RGS6: variants seen among roughly 807,000 people sequenced by gnomAD.
The protein encoded by RGS6 is regulator of G-protein signaling 6.
A neutral mutation model predicts 78.5 loss-of-function variants in RGS6; 30 were observed. That is an observed-to-expected ratio of 0.38 (90% CI 0.29 to 0.52). The LOEUF is 0.52. RGS6 is among the 20% of genes least tolerant of loss of function. The pLI is 0.85. For missense variants in RGS6, 495 were observed against 609.7 expected, an observed-to-expected ratio of 0.81 and a Z score of 1.98; for synonymous variants, 206 against 206.0, an observed-to-expected ratio of 1.00 and a Z score of 0.00.
At chr14:72,085,092 T>C (rs975490971) in intron 2 of RGS6, among the ~76,000 whole-genome samples, 1 of 152,164 alleles carries the variant, frequency 6.6e-6, no homozygotes, top group Non-Finnish European at 1.5e-5. Context: ...TTGGAATAAC[T>C]TTCTTCCTCA....
At chr14:72,269,596 A>G (rs1452462327) in intron 2 of RGS6, among the ~76,000 whole-genome samples, 3 of 72,012 alleles carry the variant, frequency 4.2e-5, no homozygotes, top group Non-Finnish European at 5.0e-5. Context: ...TTTTTTTTTG[A>G]GACAGAGTCT....
At chr14:72,402,225 A>G (rs2092481882) in intron 3 of RGS6, among the ~76,000 whole-genome samples, 1 of 152,202 alleles carries the variant, frequency 6.6e-6, no homozygotes, top group Non-Finnish European at 1.5e-5. Context: ...CAGCGTACAG[A>G]AAGGTAGTGT....
intron 12 of RGS6, among the ~76,000 whole-genome samples, chr14:72,484,528 GT>G (rs887631302): frequency 2.0e-5 from 3 of 150,116 alleles, no homozygotes; most frequent in African/African-American, 5.0e-5. Flanking sequence ...GTTTTGTGTG[GT>G]TTTTTTTTGG....
intron 2 of RGS6, among the ~76,000 whole-genome samples, chr14:72,092,063 C>T (rs914183455): frequency 2.6e-5 from 4 of 151,238 alleles, no homozygotes; most frequent in Non-Finnish European, 5.9e-5. Flanking sequence ...TCTCTCTCTG[C>T]TGCCCAGGCT....
chr14:72,477,122 G>A (rs542554289), intron 11 of RGS6: 92 of 364,058 alleles, frequency 2.5e-4, no homozygotes, highest in Non-Finnish European at 3.9e-4. Context: ...CCCACAGTCC[G>A]CTGTGGGAGC....
At chr14:72,473,449 A>G (rs574001009) in intron 9 of RGS6, among the ~76,000 whole-genome samples, 70 of 149,034 alleles carry the variant, frequency 4.7e-4, no homozygotes, top group African/African-American at 3.0e-4. Flanking sequence ...ATCTCTGGGG[A>G]AAAAAAAAAT....
chr14:72,390,858 A>G (rs976054539), intron 3 of RGS6, among the ~76,000 whole-genome samples: 10 of 152,188 alleles, frequency 6.6e-5, no homozygotes, highest in African/African-American at 2.2e-4. Flanking sequence ...AGCTAAAGCC[A>G]GGTTTTCTGG....
At chr14:72,157,329 G>A (rs1196314022) in intron 2 of RGS6, among the ~76,000 whole-genome samples, 2 of 152,182 alleles carry the variant, frequency 1.3e-5, no homozygotes, top group African/African-American at 4.8e-5. Context: ...AAACGGGGAT[G>A]TAGTTCAGGT....
intron 2 of RGS6, among the ~76,000 whole-genome samples, chr14:72,186,452 C>A (rs2097249123): frequency 6.6e-6 from 1 of 152,174 alleles, no homozygotes; most frequent in African/African-American, 2.4e-5. Context: ...TTTTGTTTTG[C>A]CTCCTTTGGG....
the RGS6 span, among the ~76,000 whole-genome samples, chr14:72,609,208 G>A: frequency 3.3e-5 from 5 of 152,134 alleles, no homozygotes; most frequent in Admixed American, 6.5e-5. Flanking sequence ...ATGGGATATC[G>A]AGGGGTCCCA....
chr14:71,931,382 G>T (rs1428994103), upstream of RGS6, among the ~76,000 whole-genome samples: 1 of 152,090 alleles, frequency 6.6e-6, no homozygotes, highest in East Asian at 1.9e-4. Flanking sequence ...TTAGAAGAGG[G>T]TCTAACACAG....
the RGS6 span, among the ~76,000 whole-genome samples, chr14:72,618,228 C>T: frequency 6.6e-6 from 1 of 152,192 alleles, no homozygotes; most frequent in Non-Finnish European, 1.5e-5. Flanking sequence ...AATTCCCAGT[C>T]AGGTCTCAGT....
In RGS6 at chr14:72,099,944, TA is replaced by T. The variant is rs1478394873; in HGVS notation, c.84+135072del. ...GTGATGGGGACTTCTTGAAAGATCC[TA>T]AACATGGGAATGTCGTAATCAGGTT... is the stretch of plus-strand genomic sequence containing the variant. On this transcript the variant is annotated intron_variant, in intron 2 of 17. Coordinates refer to ENST00000553525, the MANE Select transcript of RGS6 (RefSeq NM_001204424.2). 3.3e-5 allele frequency among the ~76,000 whole-genome samples: 5 copies of T among 152,240 alleles called. No individual in the cohort carries two copies. In the South Asian group the frequency reaches 1.0e-3, roughly 32 times the overall value.
chr14:72,408,929 T>C (rs1216005154), intron 3 of RGS6, among the ~76,000 whole-genome samples: 1 of 152,170 alleles, frequency 6.6e-6, no homozygotes, highest in African/African-American at 2.4e-5. Flanking sequence ...TCCATCTTAA[T>C]ACATGACAAC....
At chr14:72,211,146 A>G (rs2044035909) in intron 2 of RGS6, among the ~76,000 whole-genome samples, 1 of 152,244 alleles carries the variant, frequency 6.6e-6, no homozygotes, top group Non-Finnish European at 1.5e-5. Flanking sequence ...ACCTAGAGTT[A>G]TTCAGAAAAG....
At chr14:72,455,129 A>G (rs2153229540) in intron 4 of RGS6, among the ~76,000 whole-genome samples, 1 of 148,896 alleles carries the variant, frequency 6.7e-6, no homozygotes, top group South Asian at 2.2e-4. Flanking sequence ...AGTAAAATTT[A>G]TTTTCACAGT....
Position 72,468,830 on chromosome 14 carries a change from C to G in RGS6, c.460-1177C>G, listed in dbSNP as rs190945057. Among the ~76,000 whole-genome samples, 7 of 152,272 alleles carry G rather than the reference C, an allele frequency of 4.6e-5. No homozygotes were observed. The East Asian group carries it at 1.4e-3, about 29-fold the overall frequency. ...CTTCCTATGAGCAGTGGAAGAGTCA[C>G]AAAGACAGTTTTTAGAAGTACTTTC... On this transcript the variant is annotated intron_variant, in intron 7 of 17. Transcript: ENST00000553525.
Position 72,562,560 on chromosome 14 carries a change from G to A in RGS6, c.*93G>A. Reference sequence around the variant, plus strand: ...TGCGGACAGAGTTTCCTTACGAGGAGACTTGGTCACTGTGAAGGAGAAAGA... The same window carrying A: ...TGCGGACAGAGTTTCCTTACGAGGAAACTTGGTCACTGTGAAGGAGAAAGA... On this transcript the variant is annotated 3_prime_UTR_variant, in exon 18 of 18. Coordinates refer to ENST00000553525, the MANE Select transcript of RGS6 (RefSeq NM_001204424.2). The A allele has an allele frequency of 6.3e-7, 1 of 1,577,804 alleles. No individual in the cohort carries two copies. The highest frequency in any genetic ancestry group is 1.1e-5 in the South Asian group (1 of 88,270).
chr14:71,942,859 A>C (rs1375779763), intron 1 of RGS6, among the ~76,000 whole-genome samples: 1 of 148,588 alleles, frequency 6.7e-6, no homozygotes, highest in Non-Finnish European at 1.5e-5. Flanking sequence ...TATGAACAAA[A>C]TAGATCCTCA....
Sources: allele counts gnomAD v4.1 joint callset (sites outside exome capture counted in the v4.1 genomes callset), GRCh38; gene constraint gnomAD v4.1.1; transcripts MANE v1.5; gene names NCBI Gene and HGNC (gene_info 2026-07-23, HGNC 2026-07-21).